GAN: variants seen among roughly 807,000 people sequenced by gnomAD.
The protein encoded by GAN is epididymis secretory sperm binding protein.
GAN carries 48 observed loss-of-function variants against 71.3 expected under a neutral mutation model. The ratio of observed to expected loss-of-function variants is 0.67; its 90% confidence interval spans 0.53 to 0.86. The LOEUF (loss-of-function observed/expected upper bound fraction) is 0.86. Ranked by LOEUF, GAN falls within the 40% of genes least tolerant of loss-of-function variation. The probability of loss-of-function intolerance (pLI) is 0.00; values close to 1 mark genes in which losing one functional copy is unlikely to be tolerated. For missense variants in GAN, 928 were observed against 770.1 expected, an observed-to-expected ratio of 1.21 and a Z score of -2.43; for synonymous variants, 386 against 276.8, an observed-to-expected ratio of 1.39 and a Z score of -3.92.
At chr16:81,371,200 A>C (rs1305982511) in intron 9 of GAN, among the ~76,000 whole-genome samples, 1 of 152,166 alleles carries the variant, frequency 6.6e-6, no homozygotes, top group African/African-American at 2.4e-5. Flanking sequence ...GAAATTTCCT[A>C]TCTTTCCATC....
At chr16:81,339,138 C>G (rs1425033323) in intron 1 of GAN, among the ~76,000 whole-genome samples, 1 of 152,182 alleles carries the variant, frequency 6.6e-6, no homozygotes, top group Non-Finnish European at 1.5e-5. Context: ...CTATTAACCC[C>G]TTGTTACTCA....
chr16:81,355,066 C>T (rs1165099325), intron 3 of GAN, among the ~76,000 whole-genome samples: 1 of 152,190 alleles, frequency 6.6e-6, no homozygotes, highest in African/African-American at 2.4e-5. Flanking sequence ...AGTATCCCCA[C>T]CCTTGCTCTC....
intron 4 of GAN, among the ~76,000 whole-genome samples, chr16:81,357,550 A>AGCAAATAACATACGT (rs1417244836): frequency 1.3e-5 from 2 of 152,218 alleles, no homozygotes; most frequent in Non-Finnish European, 2.9e-5. Context: ...TATTGTGAAT[A>AGCAAATAACATACGT]GTGCCGCAAT....
intron 1 of GAN, among the ~76,000 whole-genome samples, chr16:81,328,767 A>T (rs1909474377): frequency 2.0e-5 from 3 of 151,954 alleles, no homozygotes; most frequent in Non-Finnish European, 4.4e-5. Flanking sequence ...TGGATTTTAA[A>T]GTGTTGTGTG....
intron 1 of GAN, among the ~76,000 whole-genome samples, chr16:81,320,004 C>T (rs369628881): frequency 1.3e-5 from 2 of 152,308 alleles, no homozygotes; most frequent in South Asian, 2.1e-4. Context: ...TAAAGCATTT[C>T]CATTCCCCTG....
At chr16:81,337,688 T>G (rs1909809127) in intron 1 of GAN, among the ~76,000 whole-genome samples, 1 of 152,244 alleles carries the variant, frequency 6.6e-6, no homozygotes, top group Non-Finnish European at 1.5e-5. Flanking sequence ...TAATACCATC[T>G]TCTTTATTAG....
intron 4 of GAN, 122 bp downstream of exon 4, chr16:81,357,124 A>G: frequency 1.3e-6 from 1 of 752,380 alleles, no homozygotes; most frequent in South Asian, 1.5e-5. Context: ...TTTTTTTTAT[A>G]CTTTAAGTTT....
chr16:81,364,128 C>T (rs9923090), intron 7 of GAN, among the ~76,000 whole-genome samples, 185 bp downstream of exon 7: 114 of 152,270 alleles, frequency 7.5e-4, no homozygotes, highest in African/African-American at 2.4e-3. Flanking sequence ...GGAAAGTGAG[C>T]GTGTGTGAGA....
intron 1 of GAN, among the ~76,000 whole-genome samples, chr16:81,329,115 A>C (rs1441005557): frequency 6.6e-6 from 1 of 152,002 alleles, no homozygotes; most frequent in Non-Finnish European, 1.5e-5. Context: ...GTCAAGGCCT[A>C]TCCTCCCTGA....
At chr16:81,367,890 TA>T (rs1910913131) in intron 9 of GAN, among the ~76,000 whole-genome samples, 2 of 152,214 alleles carry the variant, frequency 1.3e-5, no homozygotes, top group Non-Finnish European at 2.9e-5. Context: ...CTTAAAAATA[TA>T]GGCTTTCCTA....
chr16:81,371,823 T>C (rs1359767073), intron 9 of GAN: 1 of 152,262 alleles, frequency 6.6e-6, no homozygotes, highest in Non-Finnish European at 1.5e-5. Context: ...ACTTAGTCCA[T>C]ATGGGTTGCT....
At chr16:81,342,582 A>G (rs528594820) in intron 1 of GAN, among the ~76,000 whole-genome samples, 11 of 152,374 alleles carry the variant, frequency 7.2e-5, no homozygotes, top group Non-Finnish European at 1.5e-4. Context: ...TTTGAAACCA[A>G]TGAGAACAAA....
At chr16:81,375,792 C>T (rs920463146) in intron 9 of GAN, among the ~76,000 whole-genome samples, 2 of 151,578 alleles carry the variant, frequency 1.3e-5, no homozygotes, top group African/African-American at 2.4e-5. Flanking sequence ...ATGGTGAGAC[C>T]TCATCTCTAT....
At chr16:81,359,141 G>C (rs1362251323) in intron 5 of GAN, among the ~76,000 whole-genome samples, 2 of 152,180 alleles carry the variant, frequency 1.3e-5, no homozygotes, top group Admixed American at 1.3e-4. Context: ...GAGTAGTATA[G>C]CCTGCAGGAT....
In GAN at chr16:81,354,671, T is replaced by C; in HGVS notation, c.549T>C (p.Ser183=). 6.2e-7 allele frequency: 1 copy of C among 1,613,776 alleles called. No individual in the cohort carries two copies. Among genetic ancestry groups the C allele is most frequent in the Non-Finnish European group, 8.5e-7 (1 of 1,179,620 alleles). ...CTCAAAAGCTTAAAGAAGTGATTTC[T>C]CTTGAGAAGTTAAACGTTGGCAATG... is the stretch of plus-strand genomic sequence containing the variant. ...LSPQKLKEVI[S]LEKLNVGNER... Residue 183 remains serine (S), a synonymous_variant, in exon 3 of 11, where the codon TCT becomes TCC. Transcript: ENST00000648994.
chr16:81,332,200 T>G lies in GAN; in HGVS notation c.167+16920T>G, dbSNP rs1359709486. ...AAGAAAAAGAAAAAAAAGAAGCTCA[T>G]GGATGCTAGAGAAGCTTTCAGGAAC... On this transcript the variant is annotated intron_variant, in intron 1 of 10. Coordinates refer to ENST00000648994, the MANE Select transcript of GAN (RefSeq NM_022041.4). Among the ~76,000 whole-genome samples the G allele has an allele frequency of 2.0e-5, 3 of 150,470 alleles. No individual in the cohort carries two copies. The South Asian group carries it at 6.3e-4, about 32-fold the overall frequency.
intron 9 of GAN, among the ~76,000 whole-genome samples, chr16:81,376,964 C>T (rs760861703): frequency 6.6e-6 from 1 of 152,160 alleles, no homozygotes; most frequent in African/African-American, 2.4e-5. Flanking sequence ...TCTCAGAAAC[C>T]TTGTGCTGAG....
At chr16:81,344,642 A>G (rs1373181121) in intron 1 of GAN, among the ~76,000 whole-genome samples, 1 of 152,216 alleles carries the variant, frequency 6.6e-6, no homozygotes, top group Non-Finnish European at 1.5e-5. Context: ...CATAAGACCT[A>G]GGACCATAAA....
intron 1 of GAN, among the ~76,000 whole-genome samples, chr16:81,337,916 G>T (rs573385483): frequency 1.3e-5 from 2 of 152,226 alleles, no homozygotes; most frequent in Admixed American, 6.5e-5. Context: ...GATTGATTTG[G>T]CCAGAGTTAA....
Sources: allele counts gnomAD v4.1 joint callset (sites outside exome capture counted in the v4.1 genomes callset), GRCh38; gene constraint gnomAD v4.1.1; transcripts MANE v1.5; gene names NCBI Gene and HGNC (gene_info 2026-07-23, HGNC 2026-07-21).